Variants in SLIT2 observed in about 807,000 individuals in gnomAD.
SLIT2 encodes slit guidance ligand 2.
In SLIT2, 41 loss-of-function variants were observed where a neutral mutation model predicts 185.7. That is an observed-to-expected ratio of 0.22 (90% CI 0.17 to 0.29). The LOEUF (loss-of-function observed/expected upper bound fraction) is 0.29, where lower values mean the gene tolerates loss of function less well. Ranked by LOEUF, SLIT2 falls within the 10% of genes least tolerant of loss-of-function variation. SLIT2 has a pLI of 1.00. For missense variants in SLIT2, 1,571 were observed against 1,909.0 expected (o/e 0.82, Z 3.30); for synonymous variants, 693 against 680.2 (o/e 1.02, Z -0.29).
chr4:20,319,986 C>T (rs1471268011), intron 4 of SLIT2, among the ~76,000 whole-genome samples: 5 of 152,084 alleles, frequency 3.3e-5, no homozygotes, highest in African/African-American at 4.8e-5. Flanking sequence ...TTAGAGCTGT[C>T]CTGATCCTCA....
intron 17 of SLIT2, 33 bp from the exon 18 acceptor site, chr4:20,533,539 T>C: frequency 6.6e-7 from 1 of 1,525,960 alleles, no homozygotes; most frequent in Non-Finnish European, 9.0e-7. Context: ...TTAGAAATTA[T>C]TTAAAACCTT....
intron 29 of SLIT2, among the ~76,000 whole-genome samples, chr4:20,583,814 T>A (rs984920979): frequency 3.3e-5 from 5 of 150,860 alleles, no homozygotes; most frequent in African/African-American, 7.3e-5. Flanking sequence ...ATCACAAAAA[T>A]AATAATAATA....
At chr4:20,317,177 A>G (rs1024638648) in intron 4 of SLIT2, among the ~76,000 whole-genome samples, 1 of 152,026 alleles carries the variant, frequency 6.6e-6, no homozygotes, top group Non-Finnish European at 1.5e-5. Context: ...TTAACATGCT[A>G]CAATTCATGA....
chr4:20,255,685 G>T (rs912328527), intron 1 of SLIT2, among the ~76,000 whole-genome samples: 2 of 152,108 alleles, frequency 1.3e-5, no homozygotes, highest in African/African-American at 4.8e-5. Flanking sequence ...TGGGGGTGAG[G>T]GGGGAGCGTA....
chr4:20,449,677 G>T (rs1452370409), intron 4 of SLIT2, among the ~76,000 whole-genome samples: 1 of 151,978 alleles, frequency 6.6e-6, no homozygotes, highest in Non-Finnish European at 1.5e-5. Context: ...AAAGTGCTGG[G>T]ATTACACGCG....
intron 4 of SLIT2, among the ~76,000 whole-genome samples, chr4:20,301,404 T>C (rs1717024082): frequency 6.6e-6 from 1 of 152,238 alleles, no homozygotes; most frequent in Admixed American, 6.5e-5. Context: ...TTTGCTAACG[T>C]TAGATTCTTG....
chr4:20,432,341 A>G (rs1046658878), intron 4 of SLIT2, among the ~76,000 whole-genome samples: 13 of 152,210 alleles, frequency 8.5e-5, no homozygotes, highest in African/African-American at 3.1e-4. Flanking sequence ...GGATTTGAAC[A>G]AGATAATTAG....
chr4:20,611,003 G>A (rs780582678), intron 34 of SLIT2, among the ~76,000 whole-genome samples: 3 of 152,178 alleles, frequency 2.0e-5, no homozygotes, highest in Non-Finnish European at 4.4e-5. Context: ...TAAACTGGAG[G>A]CATAGAGTTT....
chr4:20,261,845 G>T (rs1005111663), intron 3 of SLIT2, among the ~76,000 whole-genome samples: 6 of 151,850 alleles, frequency 4.0e-5, no homozygotes, highest in African/African-American at 1.2e-4. Context: ...GAAAATTGTG[G>T]AAATAACAAA....
At chr4:20,403,524 G>A (rs1726521905) in intron 4 of SLIT2, among the ~76,000 whole-genome samples, 1 of 151,944 alleles carries the variant, frequency 6.6e-6, no homozygotes, top group Non-Finnish European at 1.5e-5. Context: ...AGTACAATTT[G>A]TTGTTTCATT....
At chr4:20,418,697 A>G (rs1727903114) in intron 4 of SLIT2, among the ~76,000 whole-genome samples, 3 of 152,346 alleles carry the variant, frequency 2.0e-5, no homozygotes, top group Middle Eastern at 6.8e-3. Context: ...ACTGCATATT[A>G]GGATTGAGAA....
At chr4:20,556,579 C>G (rs913909827) in intron 26 of SLIT2, among the ~76,000 whole-genome samples, 7 of 152,050 alleles carry the variant, frequency 4.6e-5, no homozygotes, top group Non-Finnish European at 7.4e-5. Context: ...TCCCCTGTCT[C>G]TCTCTCTCTC....
chr4:20,397,571 A>G (rs958231616), intron 4 of SLIT2, among the ~76,000 whole-genome samples: 2 of 151,800 alleles, frequency 1.3e-5, no homozygotes, highest in African/African-American at 4.8e-5. Flanking sequence ...ACAATTTTGC[A>G]AGGCAGTTAT....
intron 4 of SLIT2, among the ~76,000 whole-genome samples, chr4:20,467,212 C>T (rs1714457046): frequency 6.6e-6 from 1 of 152,160 alleles, no homozygotes; most frequent in African/African-American, 2.4e-5. Context: ...ATAAACTGTT[C>T]GTTTTATTGT....
intron 4 of SLIT2, among the ~76,000 whole-genome samples, chr4:20,436,438 G>C (rs982887396): frequency 2.0e-5 from 3 of 152,174 alleles, no homozygotes; most frequent in African/African-American, 7.2e-5. Flanking sequence ...GAATTTCCTA[G>C]ATTTGAGGAT....
chr4:20,302,500 T>G (rs1407317907), intron 4 of SLIT2, among the ~76,000 whole-genome samples: 1 of 152,156 alleles, frequency 6.6e-6, no homozygotes, highest in Non-Finnish European at 1.5e-5. Context: ...TAGAAAGCAG[T>G]GACCAGCCTT....
At chr4:20,512,052 T>TA (rs1457542503) in intron 11 of SLIT2, among the ~76,000 whole-genome samples, 6 of 152,178 alleles carry the variant, frequency 3.9e-5, no homozygotes, top group Non-Finnish European at 2.9e-5. Flanking sequence ...TTCACACTTG[T>TA]AAAAAAATCT....
intron 4 of SLIT2, among the ~76,000 whole-genome samples, chr4:20,399,174 G>A (rs1406992349): frequency 6.6e-6 from 1 of 151,178 alleles, no homozygotes; most frequent in African/African-American, 2.4e-5. Flanking sequence ...GCACTAATGG[G>A]GTAAGTAAAA....
intron 4 of SLIT2, among the ~76,000 whole-genome samples, chr4:20,346,975 C>T (rs1168389856): frequency 2.0e-5 from 3 of 152,190 alleles, no homozygotes; most frequent in Non-Finnish European, 2.9e-5. Context: ...TCCACTGACT[C>T]AAATGTTAAT....
Sources: gnomAD v4.1 joint callset for allele counts (sites outside exome capture counted in the v4.1 genomes callset) on GRCh38, gnomAD v4.1.1 for gene constraint, MANE v1.5 for transcripts, NCBI Gene and HGNC (gene_info 2026-07-23, HGNC 2026-07-21) for gene names.